FAM162A: variants seen among roughly 807,000 people sequenced by gnomAD.
FAM162A encodes family with sequence similarity 162 member A, also known as protein FAM162A.
FAM162A carries 23 observed loss-of-function variants against 21.8 expected under a neutral mutation model. The ratio of observed to expected loss-of-function variants is 1.05; its 90% CI spans 0.76 to 1.49. The LOEUF (loss-of-function observed/expected upper bound fraction) is 1.49, where lower values mean the gene tolerates loss of function less well. Ranked by LOEUF, FAM162A falls within the 40% of genes most tolerant of loss-of-function variation. FAM162A has a pLI of 0.00. For missense variants in FAM162A, 165 were observed against 186.4 expected, an observed-to-expected ratio of 0.89 and a Z score of 0.67; for synonymous variants, 53 against 61.3, an observed-to-expected ratio of 0.86 and a Z score of 0.64.
At chr3:122,402,914 G>A (rs748416519) in intron 2 of FAM162A, 32 bp downstream of exon 2, 1 of 1,570,702 alleles carries the variant, frequency 6.4e-7, no homozygotes, top group East Asian at 2.3e-5. Flanking sequence ...TTATGGAGTT[G>A]GTAGCTCCCA....
intron 1 of FAM162A, among the ~76,000 whole-genome samples, chr3:122,388,265 G>A (rs1168835694): frequency 6.6e-6 from 1 of 152,140 alleles, no homozygotes; most frequent in Non-Finnish European, 1.5e-5. Context: ...TTAATGTTGA[G>A]GACTACAGAA....
At chr3:122,392,844 G>C (rs1042045616) in intron 1 of FAM162A, among the ~76,000 whole-genome samples, 1 of 152,008 alleles carries the variant, frequency 6.6e-6, no homozygotes, top group Admixed American at 6.6e-5. Context: ...CACATTAGGG[G>C]TAAAATTGAA....
At chr3:122,403,495 C>A (rs2075661897) in intron 2 of FAM162A, among the ~76,000 whole-genome samples, 1 of 152,174 alleles carries the variant, frequency 6.6e-6, no homozygotes, top group Non-Finnish European at 1.5e-5. Flanking sequence ...GGGCCTTCTC[C>A]TTATCACCCT....
At position 122,410,005 on chromosome 3, in the gene FAM162A, G is replaced by C. The variant is rs1163361025; in HGVS notation, c.*174G>C. ...AAATAAATTTTCTTAAATAATGACT[G>C]TGTTTTATTGTTTTGATCCAAGTCA... On this transcript the variant is annotated 3_prime_UTR_variant, in exon 5 of 5. Coordinates refer to ENST00000477892, the MANE Select transcript of FAM162A (RefSeq NM_014367.4). 3 of 669,528 alleles carry C rather than the reference G, an allele frequency of 4.5e-6. No individual in the cohort carries two copies. Among genetic ancestry groups the C allele is most frequent in the African/African-American group, 1.8e-5 (1 of 55,852 alleles). 41.5% of individuals were successfully genotyped at this position (669,528 alleles called of 1,614,324 possible).
At chr3:122,403,472 T>A (rs1464626406) in intron 2 of FAM162A, among the ~76,000 whole-genome samples, 1 of 152,158 alleles carries the variant, frequency 6.6e-6, no homozygotes, top group African/African-American at 2.4e-5. Context: ...ATGCGTTAGG[T>A]AAAATATAAG....
rs754763531 is a variant in FAM162A at position 122,409,753 on chromosome 3, C to G, written c.387C>G (p.His129Gln). The change falls in exon 5 of 5, where the codon CAC (histidine) becomes CAG (glutamine). Residue 129 changes from histidine (H) to glutamine (Q), a missense_variant. By Grantham distance (24) the His-to-Gln change is conservative. Transcript: ENST00000477892. ...TTTTGCTTTAGGCTGCCCAAAGACACGAGACTTTAACAAGCTTGAACTTAG... is the reference window on the plus strand; with the variant it reads ...TTTTGCTTTAGGCTGCCCAAAGACAGGAGACTTTAACAAGCTTGAACTTAG... ...VIEGKKAAQR[H>Q]ETLTSLNLEK... 13 of 1,613,898 alleles carry G rather than the reference C, an allele frequency of 8.1e-6. No homozygotes were observed. The highest frequency in any genetic ancestry group is 1.3e-5 in the African/African-American group (1 of 74,898).
At chr3:122,390,420 T>C (rs569203964) in intron 1 of FAM162A, among the ~76,000 whole-genome samples, 2 of 152,314 alleles carry the variant, frequency 1.3e-5, no homozygotes, top group South Asian at 4.2e-4. Context: ...GATTCTCTGA[T>C]TCCCAGAGAG....
At chr3:122,401,501 T>A (rs1413050274) in intron 1 of FAM162A, 1 of 1,260,850 alleles carries the variant, frequency 7.9e-7, no homozygotes, top group Non-Finnish European at 1.0e-6. Flanking sequence ...AAGATTTAAG[T>A]ATCTTATAAG....
chr3:122,406,343 T>A (rs1024409013), intron 3 of FAM162A, among the ~76,000 whole-genome samples: 2 of 152,194 alleles, frequency 1.3e-5, no homozygotes, highest in African/African-American at 2.4e-5. Context: ...GGCAGGAGGA[T>A]CGCTTCAGTC....
At chr3:122,391,726 T>C (rs2075605152) in intron 1 of FAM162A, among the ~76,000 whole-genome samples, 1 of 152,258 alleles carries the variant, frequency 6.6e-6, no homozygotes, top group Admixed American at 6.5e-5. Context: ...CTTTATGGGC[T>C]CTAGAATCTT....
chr3:122,402,753 T>G lies in FAM162A; in HGVS notation c.35-7T>G. 1 of 1,496,488 alleles carries G rather than the reference T, an allele frequency of 6.7e-7. No individual in the cohort carries two copies. Among genetic ancestry groups the G allele is most frequent in the Non-Finnish European group, 8.9e-7 (1 of 1,122,504 alleles). The allele number at this position is 1,496,488 out of a possible 1,614,324, so 92.7% of individuals were successfully genotyped here. The stretch of plus-strand genomic sequence containing the variant: ...CTTTCTTTGAAACATTTTCCTCTCT[T>G]TTTTAGGAAGCTGTTTTAGGTTATG... On this transcript the variant is annotated splice_region_variant and splice_polypyrimidine_tract_variant and intron_variant, in intron 1 of 4. Coordinates refer to ENST00000477892, the MANE Select transcript of FAM162A (RefSeq NM_014367.4).
At chr3:122,387,818 G>T (rs2075581659) in intron 1 of FAM162A, among the ~76,000 whole-genome samples, 1 of 152,078 alleles carries the variant, frequency 6.6e-6, no homozygotes, top group Non-Finnish European at 1.5e-5. Flanking sequence ...TATACCATTG[G>T]CTTCAAGAAT....
rs201363104 is a variant in FAM162A at position 122,408,824 on chromosome 3, GTA to G, written c.373-911_373-910del. Among the ~76,000 whole-genome samples, 20 of 152,286 alleles carry G rather than the reference GTA, an allele frequency of 1.3e-4. No homozygotes were observed. The East Asian group carries it at 3.9e-3, about 29-fold the overall frequency. ...GAATCTCTTCTAGCATCATCCAGGG[GTA>G]TATGCTGTGTATTTTAGAGAGTTCT... On this transcript the variant is annotated intron_variant, in intron 4 of 4. Transcript: ENST00000477892.
intron 1 of FAM162A, among the ~76,000 whole-genome samples, chr3:122,396,426 T>C (rs1433555758): frequency 6.6e-6 from 1 of 152,164 alleles, no homozygotes; most frequent in African/African-American, 2.4e-5. Flanking sequence ...ATTAGATAAA[T>C]GTAACTTAAG....
chr3:122,391,630 C>T (rs2075604812), intron 1 of FAM162A, among the ~76,000 whole-genome samples: 1 of 152,094 alleles, frequency 6.6e-6, no homozygotes, highest in Non-Finnish European at 1.5e-5. Flanking sequence ...AAGTCCTTAC[C>T]CTCCATAACT....
chr3:122,407,316 G>A lies in FAM162A; in HGVS notation c.299G>A (p.Arg100Gln), dbSNP rs1192359264. Residue 100 changes from arginine (R) to glutamine (Q), a missense_variant, in exon 4 of 5, where the codon CGA (arginine) becomes CAA (glutamine). Coordinates refer to ENST00000477892, the MANE Select transcript of FAM162A (RefSeq NM_014367.4). ...EMLDAAKNKM[R>Q]VKISYLMIAL... ...CTTGATGCTGCAAAGAACAAGATGCGAGTGAAGATCAGCTATCTAATGATT... is the reference window on the plus strand; with the variant it reads ...CTTGATGCTGCAAAGAACAAGATGCAAGTGAAGATCAGCTATCTAATGATT... The A allele has an allele frequency of 5.0e-6, 8 of 1,614,038 alleles. No individual in the cohort carries two copies. The highest frequency in any genetic ancestry group is 1.1e-5 in the South Asian group (1 of 91,070).
Position 122,409,976 on chromosome 3 carries a change from G to A in FAM162A, c.*145G>A. 2 of 747,548 alleles carry A rather than the reference G, an allele frequency of 2.7e-6. No individual in the cohort carries two copies. The highest frequency in any genetic ancestry group is 4.7e-6 in the Non-Finnish European group (2 of 422,592). The allele number at this position is 747,548 out of a possible 1,614,324, so 46.3% of individuals were successfully genotyped here. On this transcript the variant is annotated 3_prime_UTR_variant, in exon 5 of 5. Coordinates refer to ENST00000477892, the MANE Select transcript of FAM162A (RefSeq NM_014367.4). ...CCATTTCCGTATTTCTGCTGTAGAA[G>A]TAGAAATAAATTTTCTTAAATAATG...
chr3:122,386,557 A>T (rs1237627468), intron 1 of FAM162A, among the ~76,000 whole-genome samples: 2 of 94,694 alleles, frequency 2.1e-5, no homozygotes, highest in East Asian at 4.5e-4. Flanking sequence ...GACCCTGTCT[A>T]AAAAAAAAAA....
intron 1 of FAM162A, among the ~76,000 whole-genome samples, chr3:122,398,691 T>G (rs1441917763): frequency 1.3e-5 from 2 of 152,312 alleles, no homozygotes; most frequent in South Asian, 2.1e-4. Context: ...ATATTCAGTT[T>G]GTGCACCTAT....
Sources: allele counts gnomAD v4.1 joint callset (sites outside exome capture counted in the v4.1 genomes callset), GRCh38; gene constraint gnomAD v4.1.1; transcripts MANE v1.5; gene names NCBI Gene and HGNC (gene_info 2026-07-23, HGNC 2026-07-21).